The following ATP1B4 variants were observed in gnomAD, a reference collection of about 807,000 sequenced individuals.
ATP1B4 encodes the protein ATPase Na+/K+ transporting family member beta 4.
A neutral mutation model predicts 29.6 loss-of-function variants in ATP1B4; 32 were observed. The observed-to-expected ratio is 1.08, with a 90% CI of 0.82 to 1.45. The LOEUF (loss-of-function observed/expected upper bound fraction) is 1.45. ATP1B4 is among the 40% of genes most tolerant of loss of function. The pLI is 0.00. For missense variants in ATP1B4, 323 were observed against 276.2 expected (o/e 1.17, Z -1.20); for synonymous variants, 127 against 102.1 (o/e 1.24, Z -1.47).
chrX:120,366,724 T>A lies in ATP1B4; in HGVS notation c.263T>A (p.Ile88Asn), dbSNP rs142323808. Reference sequence around the variant, plus strand: ...AATGCCTGGTGGCAGAAATTGCAGATCATGAGTGAATACCTGTGGGATCCA... The same window carrying A: ...AATGCCTGGTGGCAGAAATTGCAGAACATGAGTGAATACCTGTGGGATCCA... ...TGNAWWQKLQ[I>N]MSEYLWDPER... Residue 88 changes from isoleucine to asparagine, a missense_variant, in exon 2 of 8, where the codon ATC (isoleucine) becomes AAC (asparagine). Ile to Asn is a moderately radical substitution (Grantham distance 149). Transcript: ENST00000218008. 13 of 1,209,744 alleles carry A rather than the reference T, an allele frequency of 1.1e-5. No individual in the cohort carries two copies. The highest frequency in any genetic ancestry group is 8.7e-5 in the Admixed American group (4 of 45,780).
intron 1 of ATP1B4, among the ~76,000 whole-genome samples, chrX:120,363,907 T>C (rs1318958356): frequency 8.9e-6 from 1 of 112,254 alleles, no homozygotes; most frequent in Non-Finnish European, 1.9e-5. Flanking sequence ...TTACACAGGA[T>C]TTAATTAATG....
At chrX:120,367,475 C>T (rs1460490274) in intron 2 of ATP1B4, among the ~76,000 whole-genome samples, 1 of 111,676 alleles carries the variant, frequency 9.0e-6, no homozygotes, top group Non-Finnish European at 1.9e-5. Context: ...TATTTTTACT[C>T]CACAACTTCA....
At chrX:120,375,641 T>C in intron 5 of ATP1B4, 73 bp downstream of exon 5, 1 of 918,664 alleles carries the variant, frequency 1.1e-6, no homozygotes, top group Non-Finnish European at 1.5e-6. Flanking sequence ...ACTCCATTTG[T>C]CTTGGTCTCT....
At position 120,380,950 on chromosome X, in the gene ATP1B4, AAAG is replaced by A. The variant is rs2058378759; in HGVS notation, c.*1317_*1319del. The A allele has an allele frequency of 8.9e-6, 1 of 112,000 alleles. No individual in the cohort carries two copies. The highest frequency in any genetic ancestry group is 1.9e-5 in the Non-Finnish European group (1 of 53,177). 9.2% of individuals were successfully genotyped at this position (112,000 alleles called of 1,213,427 possible). On this transcript the variant is annotated 3_prime_UTR_variant, in exon 8 of 8. Transcript: ENST00000218008. Reference sequence around the variant, plus strand: ...GGAAGGCTGGCACAAGGAGAAAAAAAAAGCAAGCATCAGCGAATAGTATAGTGT... The same window carrying A: ...GGAAGGCTGGCACAAGGAGAAAAAAACAAGCATCAGCGAATAGTATAGTGT...
rs747357387 is a variant in ATP1B4, at chrX:120,380,809, T to C, written c.*1175T>C. The C allele has an allele frequency of 1.8e-5, 2 of 112,409 alleles. No homozygotes were observed. Among genetic ancestry groups the C allele is most frequent in the East Asian group, 5.6e-4 (2 of 3,574 alleles). The allele number at this position is 112,409 out of a possible 1,213,427, so 9.3% of individuals were successfully genotyped here. A position where few individuals can be genotyped will look rare whatever the true frequency, so the allele number is the denominator to read the frequency against. On this transcript the variant is annotated 3_prime_UTR_variant, in exon 8 of 8. Transcript: ENST00000218008. Reference sequence around the variant, plus strand: ...CCAAGGCCCATTAGCCAGTTTAGCATTTACTTTAAAAATGACATGAGGCAG... The same window carrying C: ...CCAAGGCCCATTAGCCAGTTTAGCACTTACTTTAAAAATGACATGAGGCAG...
At chrX:120,376,733 A>G (rs1052711889) in intron 6 of ATP1B4, among the ~76,000 whole-genome samples, 4 of 112,228 alleles carry the variant, frequency 3.6e-5, no homozygotes, top group Non-Finnish European at 7.5e-5. Context: ...GGGAACAACA[A>G]TGTGCCAAGT....
Position 120,380,979 on chromosome X carries a change from C to T in ATP1B4, c.*1345C>T, listed in dbSNP as rs2058378867. 8.9e-6 allele frequency: 1 copy of T among 112,038 alleles called. No individual in the cohort carries two copies. Among genetic ancestry groups the T allele is most frequent in the Admixed American group, 9.5e-5 (1 of 10,511 alleles). 9.2% of individuals were successfully genotyped at this position (112,038 alleles called of 1,213,427 possible). A position where few individuals can be genotyped will look rare whatever the true frequency, so the allele number is the denominator to read the frequency against. ...CAAGCATCAGCGAATAGTATAGTGTCTCAGGGTCCGAAGCAAGTTTAAATG... is the reference window on the plus strand; with the variant it reads ...CAAGCATCAGCGAATAGTATAGTGTTTCAGGGTCCGAAGCAAGTTTAAATG... On this transcript the variant is annotated 3_prime_UTR_variant, in exon 8 of 8. Coordinates refer to ENST00000218008, the MANE Select transcript of ATP1B4 (RefSeq NM_001142447.3).
At chrX:120,371,528 T>C (rs1021886830) in intron 4 of ATP1B4, among the ~76,000 whole-genome samples, 40 of 112,021 alleles carry the variant, frequency 3.6e-4, no homozygotes, top group African/African-American at 1.2e-3. Flanking sequence ...ATAATGATCA[T>C]TTATAGAAGA....
At chrX:120,374,190 T>A (rs2147253536) in intron 4 of ATP1B4, among the ~76,000 whole-genome samples, 1 of 110,567 alleles carries the variant, frequency 9.0e-6, no homozygotes, top group South Asian at 3.9e-4. Flanking sequence ...TCTATTGCAA[T>A]CAAATCCATG....
rs201969712 is a variant in ATP1B4, at chrX:120,376,095, A to G, written c.760-285A>G. On this transcript the variant is annotated intron_variant, in intron 5 of 7. Coordinates refer to ENST00000218008, the MANE Select transcript of ATP1B4 (RefSeq NM_001142447.3). ...TAGGTGTGGCAGAGCCTTATCAGTC[A>G]CACCTCTCTTGAAATTAGAAAGTTC... is the stretch of plus-strand genomic sequence containing the variant. Among the ~76,000 whole-genome samples, 10 of 111,577 alleles carry G rather than the reference A, an allele frequency of 9.0e-5. No homozygotes were observed. The East Asian group carries it at 2.5e-3, about 28-fold the overall frequency.
chrX:120,377,733 A>G (rs1279433564), intron 6 of ATP1B4, among the ~76,000 whole-genome samples: 1 of 112,047 alleles, frequency 8.9e-6, no homozygotes, highest in Non-Finnish European at 1.9e-5. Flanking sequence ...CCTTTTAAAA[A>G]ATATATTAAG....
At chrX:120,376,242 T>A in intron 5 of ATP1B4, 138 bp from the exon 6 acceptor site, 2 of 543,449 alleles carry the variant, frequency 3.7e-6, no homozygotes, top group Non-Finnish European at 5.9e-6. Flanking sequence ...TTGCTTTTTG[T>A]AACATTTCTG....
At chrX:120,376,572 G>C (rs969492918) in intron 6 of ATP1B4, 136 bp downstream of exon 6, 1 of 517,665 alleles carries the variant, frequency 1.9e-6, no homozygotes, top group Non-Finnish European at 3.2e-6. Flanking sequence ...CCTCTCTTTA[G>C]TTCCTTCAGG....
rs1434641816 is a variant in ATP1B4, at chrX:120,362,239, C to A, written c.63+8C>A. On this transcript the variant is annotated splice_region_variant and intron_variant, in intron 1 of 7. Coordinates refer to ENST00000218008, the MANE Select transcript of ATP1B4 (RefSeq NM_001142447.3). The stretch of plus-strand genomic sequence containing the variant: ...AGTTATCGCTACAGACTCGTGAGTG[C>A]CAGAGAGCAGAATATTTTGCTGCCC... 1 of 1,205,616 alleles carries A rather than the reference C, an allele frequency of 8.3e-7. No individual in the cohort carries two copies. The highest frequency in any genetic ancestry group is 1.1e-6 in the Non-Finnish European group (1 of 890,083).
intron 5 of ATP1B4, 116 bp from the exon 6 acceptor site, chrX:120,376,264 T>C (rs1460700838): frequency 6.2e-6 from 4 of 647,450 alleles, no homozygotes; most frequent in Non-Finnish European, 9.5e-6. Flanking sequence ...GAAGGCGAAA[T>C]AGATGAAGCA....
At chrX:120,375,717 C>G (rs185640041) in intron 5 of ATP1B4, 149 bp downstream of exon 5, 48 of 447,256 alleles carry the variant, frequency 1.1e-4, no homozygotes, top group Admixed American at 4.0e-4. Flanking sequence ...ACCAGATAAA[C>G]CTATCAATTT....
chrX:120,375,311 G>A (rs1487113806), intron 4 of ATP1B4, 61 bp from the exon 5 acceptor site: 13 of 1,031,747 alleles, frequency 1.3e-5, no homozygotes, highest in African/African-American at 1.9e-5. Flanking sequence ...ACTACTGAAC[G>A]CACGGCCTTC....
chrX:120,375,434 C>G lies in ATP1B4; in HGVS notation c.625C>G (p.Gln209Glu), dbSNP rs748393161. The G allele has an allele frequency of 5.8e-6, 7 of 1,208,715 alleles. No homozygotes were observed. Among genetic ancestry groups the G allele is most frequent in the Non-Finnish European group, 5.6e-6 (5 of 894,510 alleles). The change falls in exon 5 of 8, where the codon CAA becomes GAA. Residue 209 changes from glutamine to glutamate, a missense_variant. By Grantham distance (29) the Gln-to-Glu change is conservative. Coordinates refer to ENST00000218008, the MANE Select transcript of ATP1B4 (RefSeq NM_001142447.3). ...VDCPPGQYFI[Q>E]DGNEDEDKKA... Reference sequence around the variant, plus strand: ...TTGTCCCCCGGGGCAGTACTTCATCCAAGATGGCAATGAGGATGAGGACAA... The same window carrying G: ...TTGTCCCCCGGGGCAGTACTTCATCGAAGATGGCAATGAGGATGAGGACAA...
intron 4 of ATP1B4, among the ~76,000 whole-genome samples, chrX:120,373,989 C>A (rs1050929486): frequency 8.2e-5 from 9 of 109,499 alleles, no homozygotes; most frequent in Non-Finnish European, 1.7e-4. Flanking sequence ...CTCTTACAAT[C>A]AGGTGCCTCT....
Sources: gnomAD v4.1 joint callset for allele counts (sites outside exome capture counted in the v4.1 genomes callset) on GRCh38, gnomAD v4.1.1 for gene constraint, MANE v1.5 for transcripts, NCBI Gene and HGNC (gene_info 2026-07-23, HGNC 2026-07-21) for gene names.